The following DNAH1 variants were observed in gnomAD, a reference collection of about 807,000 sequenced individuals.
The protein encoded by DNAH1 is dynein axonemal heavy chain 1.
In DNAH1, 327 loss-of-function variants were observed where a neutral mutation model predicts 484.3. The observed-to-expected ratio is 0.68, with a 90% CI of 0.62 to 0.74. The LOEUF is 0.74. Among genes scored for constraint, DNAH1 ranks in the 30% least tolerant of loss-of-function variants. DNAH1 has a pLI of 0.00. For missense variants in DNAH1, 5,052 were observed against 5,546.8 expected (o/e 0.91, Z 2.83); for synonymous variants, 2,192 against 2,191.9 (o/e 1.00, Z 0.00).
Position 52,395,496 on chromosome 3 carries a change from G to C in DNAH1, c.11127+30G>C, listed in dbSNP as rs770883407. 5.0e-6 allele frequency: 8 copies of C among 1,613,328 alleles called. No homozygotes were observed. Among genetic ancestry groups the C allele is most frequent in the Non-Finnish European group, 5.1e-6 (6 of 1,179,650 alleles). The stretch of plus-strand genomic sequence containing the variant: ...GGGCTAGGCAGGGAGGAAGGGAGTG[G>C]GCTGGGGGGTGGGCAAGCTGGCCCC... On this transcript the variant is annotated intron_variant, in intron 69 of 77. Transcript: ENST00000420323. The surrounding 1 kb of genome is among the most constrained non-coding windows in gnomAD (Gnocchi z 4.4).
Position 52,395,216 on chromosome 3 carries a change from T to C in DNAH1, c.10969-92T>C, listed in dbSNP as rs1704565890. ...TTCCAGCCCCCACCAGGAAGCCCAC[T>C]GGGGACCACTCTGAGAACCCCAGAT... is the stretch of plus-strand genomic sequence containing the variant. On this transcript the variant is annotated intron_variant, in intron 68 of 77. Transcript: ENST00000420323. This position sits in a 1 kb window ranked among gnomAD's most constrained non-coding sequence, Gnocchi z 4.4. 2.0e-6 allele frequency: 3 copies of C among 1,511,882 alleles called. No homozygotes were observed. The Admixed American group carries it at 6.1e-5, about 31-fold the overall frequency. The allele number at this position is 1,511,882 out of a possible 1,614,324, so 93.7% of individuals were successfully genotyped here.
In DNAH1 at chr3:52,346,853, G is replaced by A. The variant is rs186388637; in HGVS notation, c.1955+83G>A. 1.1e-4 allele frequency: 154 copies of A among 1,442,494 alleles called. 2 individuals are homozygous for A. The East Asian group carries it at 3.8e-3, about 35-fold the overall frequency. 89.4% of individuals were successfully genotyped at this position (1,442,494 alleles called of 1,614,324 possible). On this transcript the variant is annotated intron_variant, in intron 11 of 77. Coordinates refer to ENST00000420323, the MANE Select transcript of DNAH1 (RefSeq NM_015512.5). ...GGATGGAGCAGGGTCAGGGACCAGGGCCAGGGTGCCCATCCATGCCAGGTC... is the reference window on the plus strand; with the variant it reads ...GGATGGAGCAGGGTCAGGGACCAGGACCAGGGTGCCCATCCATGCCAGGTC...
Position 52,353,790 on chromosome 3 carries a change from A to G in DNAH1, c.3480+157A>G. On this transcript the variant is annotated intron_variant, in intron 20 of 77. Coordinates refer to ENST00000420323, the MANE Select transcript of DNAH1 (RefSeq NM_015512.5). This position sits in a 1 kb window ranked among gnomAD's most constrained non-coding sequence, Gnocchi z 5.0. Reference sequence around the variant, plus strand: ...GGGTTGAGATGCATTCTATTAAGTGAGTTAATAATGCACATAAAATTCTTG... The same window carrying G: ...GGGTTGAGATGCATTCTATTAAGTGGGTTAATAATGCACATAAAATTCTTG... 1 of 959,874 alleles carries G rather than the reference A, an allele frequency of 1.0e-6. No homozygotes were observed. The highest frequency in any genetic ancestry group is 1.7e-5 in the South Asian group (1 of 58,802). 59.5% of individuals were successfully genotyped at this position (959,874 alleles called of 1,614,324 possible). A position where few individuals can be genotyped will look rare whatever the true frequency, so the allele number is the denominator to read the frequency against.
In DNAH1 at chr3:52,364,956, TAC is replaced by T. The variant is rs1308277459; in HGVS notation, c.5456_5457del (p.Tyr1819TrpfsTer5). Reference sequence around the variant, plus strand: ...CACCATCAAGGAGGAGGACACGGACTACGGCATCCTGGATGAGGCCATCCGCG... The same window carrying T: ...CACCATCAAGGAGGAGGACACGGACTGGCATCCTGGATGAGGCCATCCGCG... Reference protein sequence around the residue: ...FPTIKEEDTDYGILDEAIREA... With the variant: ...FPTIKEEDTDXGILDEAIREA... On this transcript the variant is annotated frameshift_variant, in exon 34 of 78. Transcript: ENST00000420323. LOFTEE classifies it high-confidence loss of function. This position sits in a 1 kb window ranked among gnomAD's most constrained non-coding sequence, Gnocchi z 4.2. 4 of 1,613,832 alleles carry T rather than the reference TAC, an allele frequency of 2.5e-6. No homozygotes were observed. Among genetic ancestry groups the T allele is most frequent in the Non-Finnish European group, 3.4e-6 (4 of 1,179,872 alleles).
rs200834858 is a variant in DNAH1, at chr3:52,332,268, C to A, written c.1160C>A (p.Ala387Glu). The A allele has an allele frequency of 1.5e-4, 246 of 1,614,066 alleles. No homozygotes were observed. In the African/African-American group the frequency reaches 2.9e-3, roughly 19 times the overall value. Reference protein sequence around the residue: ...QANALRKNTEALLLYNLYVDC... With the variant: ...QANALRKNTEELLLYNLYVDC... ...AACGCCCTGCGCAAGAACACGGAAGCACTGCTGCTCTACAACTTGTATGTG... is the reference window on the plus strand; with the variant it reads ...AACGCCCTGCGCAAGAACACGGAAGAACTGCTGCTCTACAACTTGTATGTG... The change falls in exon 8 of 78, where the codon GCA (alanine) becomes GAA (glutamate). Residue 387 changes from alanine to glutamate, a missense_variant. Coordinates refer to ENST00000420323, the MANE Select transcript of DNAH1 (RefSeq NM_015512.5).
chr3:52,352,505 C>T (rs1343009485), intron 17 of DNAH1, 47 bp from the exon 18 acceptor site: 1 of 1,585,516 alleles, frequency 6.3e-7, no homozygotes, highest in African/African-American at 1.3e-5. Context: ...GGCCTGGACA[C>T]AAGTGGGGCT....
At chr3:52,352,784 G>T (rs1702449110) in intron 18 of DNAH1, 77 bp downstream of exon 18, 2 of 1,517,606 alleles carry the variant, frequency 1.3e-6, no homozygotes, top group South Asian at 1.3e-5. Context: ...GCTGCCAGGA[G>T]GCAGGGCTCT....
intron 5 of DNAH1, among the ~76,000 whole-genome samples, 200 bp downstream of exon 5, chr3:52,327,091 T>A (rs1578075335): frequency 6.6e-6 from 1 of 150,882 alleles, no homozygotes; most frequent in South Asian, 2.1e-4. Flanking sequence ...CCAGCCCCCC[T>A]AGAATGCTGA....
At chr3:52,376,332 C>G (rs1301561788) in intron 46 of DNAH1, among the ~76,000 whole-genome samples, 3 of 152,336 alleles carry the variant, frequency 2.0e-5, no homozygotes, top group Middle Eastern at 3.4e-3. Context: ...CACAGGAAAG[C>G]CGGGAGTGGT....
In DNAH1 at chr3:52,388,491, G is replaced by T; in HGVS notation, c.9245G>T (p.Arg3082Leu). The T allele has an allele frequency of 6.2e-7, 1 of 1,612,726 alleles. No individual in the cohort carries two copies. Among genetic ancestry groups the T allele is most frequent in the Non-Finnish European group, 8.5e-7 (1 of 1,179,410 alleles). The change falls in exon 58 of 78, where the codon CGT (arginine) becomes CTT (leucine). Residue 3082 changes from arginine to leucine, a missense_variant. This residue lies in a region of DNAH1 where 2,929 missense variants were observed against 3,409.4 expected (regional missense o/e 0.86). Coordinates refer to ENST00000420323, the MANE Select transcript of DNAH1 (RefSeq NM_015512.5). ...RILDEAKQRLREVEDGIATMQ... is the reference protein window; with the variant it reads ...RILDEAKQRLLEVEDGIATMQ... ...CTGGATGAGGCAAAACAGCGCCTTC[G>T]TGAGGTGGAGGACGGCATCGCCACA...
intron 3 of DNAH1, among the ~76,000 whole-genome samples, chr3:52,324,501 C>T (rs757188205): frequency 2.0e-5 from 3 of 152,086 alleles, no homozygotes; most frequent in African/African-American, 7.2e-5. Flanking sequence ...TTGTGCCTCT[C>T]CCCTGGCAGA....
rs1196918093 is a variant in DNAH1, at chr3:52,383,547, T to G, written c.8103T>G (p.Ala2701=). 4 of 1,611,640 alleles carry G rather than the reference T, an allele frequency of 2.5e-6. No homozygotes were observed. The highest frequency in any genetic ancestry group is 3.4e-6 in the Non-Finnish European group (4 of 1,178,884). The change falls in exon 51 of 78, where the codon GCT becomes GCG. Residue 2701 remains alanine (A), a synonymous_variant. Coordinates refer to ENST00000420323, the MANE Select transcript of DNAH1 (RefSeq NM_015512.5). ...CCACCAAGGCCAACCTCATGGCTGCTTACACAGGGCGTGTGCGCAGCAACA... is the reference window on the plus strand; with the variant it reads ...CCACCAAGGCCAACCTCATGGCTGCGTACACAGGGCGTGTGCGCAGCAACA... ...LQPTKANLMA[A]YTGRVRSNIH...
intron 14 of DNAH1, 143 bp from the exon 15 acceptor site, chr3:52,349,846 C>A: frequency 8.1e-7 from 1 of 1,241,472 alleles, no homozygotes; most frequent in Non-Finnish European, 1.1e-6. Context: ...ACCAGGAGCA[C>A]CCCTCTTGGA....
rs557912942 is a variant in DNAH1, at chr3:52,332,526, C to G, written c.1286+132C>G. 14 of 1,356,484 alleles carry G rather than the reference C, an allele frequency of 1.0e-5. No homozygotes were observed. In the African/African-American group the frequency reaches 2.0e-4, roughly 20 times the overall value. 84.0% of individuals were successfully genotyped at this position (1,356,484 alleles called of 1,614,324 possible). The stretch of plus-strand genomic sequence containing the variant: ...GTTTGAGACTGTCCTGGCTATTGCC[C>G]TCTGGACTTGTTGGGGCCTCAAACA... On this transcript the variant is annotated intron_variant, in intron 8 of 77. Transcript: ENST00000420323.
Position 52,323,858 on chromosome 3 carries a change from C to T in DNAH1, c.384C>T (p.Asp128=), listed in dbSNP as rs779442993. Residue 128 remains aspartate (D), a synonymous_variant, in exon 3 of 78, where the codon GAC becomes GAT. Coordinates refer to ENST00000420323, the MANE Select transcript of DNAH1 (RefSeq NM_015512.5). ...RMSQNLLRQA[D]LDKFTPRVGS... The stretch of plus-strand genomic sequence containing the variant: ...GCCAGAACCTCCTGCGGCAGGCTGA[C>T]CTTGACAAGTTCACCCCAAGAGGTC... 10 of 1,580,362 alleles carry T rather than the reference C, an allele frequency of 6.3e-6. No individual in the cohort carries two copies. Among genetic ancestry groups the T allele is most frequent in the African/African-American group, 1.3e-5 (1 of 74,100 alleles).
In DNAH1 at chr3:52,353,616, G is replaced by A. The variant is rs1249528157; in HGVS notation, c.3463G>A (p.Glu1155Lys). The change falls in exon 20 of 78, where the codon GAG becomes AAG. Residue 1155 changes from glutamate (E) to lysine (K), a missense_variant. Glu to Lys is a moderately conservative substitution (Grantham distance 56). This residue lies in a region of DNAH1 where 2,929 missense variants were observed against 3,409.4 expected (regional missense o/e 0.86). Transcript: ENST00000420323. The surrounding 1 kb of genome is among the most constrained non-coding windows in gnomAD (Gnocchi z 5.0). ...CAAGGTGGCTGAGGTGGCTGGCAAG[G>A]AGTACGCCATCGAGCAGGTGGGTAG... ...ISKVAEVAGKEYAIEQALDKM... is the reference protein window; with the variant it reads ...ISKVAEVAGKKYAIEQALDKM... 6.3e-7 allele frequency: 1 copy of A among 1,599,590 alleles called. No individual in the cohort carries two copies. Among genetic ancestry groups the A allele is most frequent in the Non-Finnish European group, 8.5e-7 (1 of 1,173,936 alleles).
Position 52,349,209 on chromosome 3 carries a change from A to G in DNAH1, c.2315A>G (p.Gln772Arg). The change falls in exon 14 of 78, where the codon CAG becomes CGG. Residue 772 changes from glutamine to arginine, a missense_variant. Transcript: ENST00000420323. ...GCTGTCCTCAGAACCTACCAGACGC[A>G]GGGCCTGTTGGCCCAGGAGGTGCGG... ...IASFLKTYQT[Q>R]GLLAQEVREV... 2 of 1,613,594 alleles carry G rather than the reference A, an allele frequency of 1.2e-6. No individual in the cohort carries two copies. Among genetic ancestry groups the G allele is most frequent in the South Asian group, 2.2e-5 (2 of 91,052 alleles).
upstream of DNAH1, among the ~76,000 whole-genome samples, chr3:52,315,700 G>T (rs189837204): frequency 3.0e-4 from 45 of 152,352 alleles, 1 homozygote; most frequent in African/African-American, 1.0e-3. Flanking sequence ...CACAAGAGGG[G>T]CAGGAGTCCA....
chr3:52,393,111 A>T, intron 65 of DNAH1, 86 bp downstream of exon 65: 2 of 1,499,082 alleles, frequency 1.3e-6, no homozygotes, highest in Non-Finnish European at 1.8e-6. Context: ...CAAACTCACA[A>T]CTGTGTTCAC....
Sources: gnomAD v4.1 joint callset for allele counts (sites outside exome capture counted in the v4.1 genomes callset) on GRCh38, gnomAD v4.1.1 for gene constraint, gnomAD v4.1.1 regional missense constraint, Gnocchi (gnomAD v3.1) non-coding constraint, MANE v1.5 for transcripts, NCBI Gene and HGNC (gene_info 2026-07-23, HGNC 2026-07-21) for gene names.